The following PDGFRL variants were observed in gnomAD, a reference collection of about 807,000 sequenced individuals.
The protein encoded by PDGFRL is platelet derived growth factor receptor like.
A neutral mutation model predicts 37.2 loss-of-function variants in PDGFRL; 46 were observed. The observed-to-expected ratio is 1.24, with a 90% CI of 0.98 to 1.58. The LOEUF (loss-of-function observed/expected upper bound fraction) is 1.58. Among genes scored for constraint, PDGFRL ranks in the 40% most tolerant of loss-of-function variants. PDGFRL has a pLI of 0.00. For synonymous variants in PDGFRL, 251 were observed against 184.3 expected (o/e 1.36, Z -2.93); for missense variants, 692 against 467.6 (o/e 1.48, Z -4.43).
intron 2 of PDGFRL, among the ~76,000 whole-genome samples, chr8:17,609,634 TAAAAAAAAAAAAAAAA>T (rs3040922): frequency 6.9e-4 from 30 of 43,544 alleles, no homozygotes; most frequent in Middle Eastern, 0.024. Flanking sequence ...TGAGACTCTG[TAAAAAAAAAAAAAAAA>T]AAAAAAAAAA....
intron 2 of PDGFRL, among the ~76,000 whole-genome samples, chr8:17,614,175 T>A (rs1804477976): frequency 6.6e-6 from 1 of 152,210 alleles, no homozygotes; most frequent in Admixed American, 6.5e-5. Flanking sequence ...GATAGAGGAA[T>A]AGAGCTATTC....
At chr8:17,592,937 C>T (rs1345244009) in intron 2 of PDGFRL, among the ~76,000 whole-genome samples, 15 of 143,070 alleles carry the variant, frequency 1.0e-4, no homozygotes, top group African/African-American at 3.6e-4. Context: ...CACACACACA[C>T]ACACACACAC....
rs538502136 is a variant in PDGFRL at position 17,619,822 on chromosome 8, G to A, written c.354-1229G>A. ...GAACTTCTGAGGCTGCATAGCTATT[G>A]CACCAATGGTTTTACTTAAGGAAAC... On this transcript the variant is annotated intron_variant, in intron 2 of 5. Transcript: ENST00000251630. Among the ~76,000 whole-genome samples the A allele has an allele frequency of 1.2e-4, 19 of 152,306 alleles. No homozygotes were observed. In the South Asian group the frequency reaches 3.7e-3, roughly 30 times the overall value.
At chr8:17,597,217 C>T (rs761754664) in intron 2 of PDGFRL, among the ~76,000 whole-genome samples, 6 of 152,216 alleles carry the variant, frequency 3.9e-5, no homozygotes, top group East Asian at 3.9e-4. Context: ...GACTGGCTTT[C>T]GGTAAGTTGG....
At chr8:17,617,664 G>C (rs1179480877) in intron 2 of PDGFRL, among the ~76,000 whole-genome samples, 1 of 152,180 alleles carries the variant, frequency 6.6e-6, no homozygotes, top group African/African-American at 2.4e-5. Flanking sequence ...GCGTAGAAGA[G>C]GGGGTGGAAA....
chr8:17,604,285 C>T (rs1395780273), intron 2 of PDGFRL, among the ~76,000 whole-genome samples: 1 of 152,086 alleles, frequency 6.6e-6, no homozygotes, highest in African/African-American at 2.4e-5. Flanking sequence ...CACATGCACA[C>T]GTATGTTTAT....
chr8:17,592,398 C>G (rs573893341), intron 2 of PDGFRL, among the ~76,000 whole-genome samples: 1 of 152,330 alleles, frequency 6.6e-6, no homozygotes, highest in South Asian at 2.1e-4. Flanking sequence ...GCTAGGGCTT[C>G]TCACTGCCGC....
intron 2 of PDGFRL, among the ~76,000 whole-genome samples, chr8:17,606,218 CAG>C (rs1327232835): frequency 1.6e-4 from 25 of 151,908 alleles, no homozygotes; most frequent in Non-Finnish European, 3.7e-4. Flanking sequence ...CGAAAATACA[CAG>C]AACGTACAAT....
rs367781110 is a variant in PDGFRL, at chr8:17,614,051, T to C, written c.354-7000T>C. Among the ~76,000 whole-genome samples the C allele has an allele frequency of 2.2e-4, 33 of 152,254 alleles. No homozygotes were observed. The East Asian group carries it at 5.8e-3, about 27-fold the overall frequency. Reference sequence around the variant, plus strand: ...TGCAAATGTGGAGATAGATGATAGATAGATAGTAGATGGGCAACAGACAGA... The same window carrying C: ...TGCAAATGTGGAGATAGATGATAGACAGATAGTAGATGGGCAACAGACAGA... On this transcript the variant is annotated intron_variant, in intron 2 of 5. Transcript: ENST00000251630.
At chr8:17,621,265 T>C in intron 3 of PDGFRL, 63 bp downstream of exon 3, 2 of 1,131,344 alleles carry the variant, frequency 1.8e-6, no homozygotes, top group Non-Finnish European at 2.6e-6. Context: ...GAGCTGAAGG[T>C]TCCCCCACTG....
chr8:17,599,284 A>G (rs1018056953), intron 2 of PDGFRL, among the ~76,000 whole-genome samples: 7 of 152,076 alleles, frequency 4.6e-5, no homozygotes, highest in African/African-American at 7.2e-5. Context: ...GTTATCTTTT[A>G]TCCCTCACTG....
chr8:17,642,488 T>C, intron 5 of PDGFRL, 125 bp from the exon 6 acceptor site: 1 of 672,340 alleles, frequency 1.5e-6, no homozygotes, highest in Non-Finnish European at 2.7e-6. Context: ...CTACGCATAC[T>C]AAACAGTCTT....
chr8:17,621,288 C>T, intron 3 of PDGFRL, 86 bp downstream of exon 3: 1 of 791,706 alleles, frequency 1.3e-6, no homozygotes, highest in Non-Finnish European at 2.0e-6. Flanking sequence ...TGCTGAATAG[C>T]AAATAATGAC....
chr8:17,598,697 C>T (rs1411138860), intron 2 of PDGFRL, among the ~76,000 whole-genome samples: 1 of 152,128 alleles, frequency 6.6e-6, no homozygotes, highest in Non-Finnish European at 1.5e-5. Context: ...TTGGCTGTTT[C>T]CCCTCCAAAA....
intron 1 of PDGFRL, among the ~76,000 whole-genome samples, chr8:17,579,917 C>A (rs144243244): frequency 8.5e-5 from 13 of 152,238 alleles, no homozygotes; most frequent in African/African-American, 2.9e-4. Context: ...AGATGTCAAT[C>A]ATAGCACCTG....
intron 4 of PDGFRL, among the ~76,000 whole-genome samples, chr8:17,629,085 CTT>C (rs397892660): frequency 0.16 from 19,539 of 122,674 alleles, 1,078 homozygotes; most frequent in East Asian, 0.3. Flanking sequence ...GCCCTGCTAA[CTT>C]TTTTTTTTTT....
intron 4 of PDGFRL, 92 bp from the exon 5 acceptor site, chr8:17,633,982 C>G (rs1804914857): frequency 7.7e-7 from 1 of 1,292,740 alleles, no homozygotes; most frequent in African/African-American, 1.5e-5. Context: ...GCAGAAAATT[C>G]CATCTCTCTC....
intron 5 of PDGFRL, among the ~76,000 whole-genome samples, chr8:17,636,612 C>A (rs1419620386): frequency 6.7e-6 from 1 of 148,706 alleles, no homozygotes; most frequent in Non-Finnish European, 1.5e-5. Context: ...TTTTTTGGTT[C>A]CACATGAATT....
intron 3 of PDGFRL, among the ~76,000 whole-genome samples, chr8:17,626,708 G>C (rs1040046724): frequency 6.6e-6 from 1 of 152,024 alleles, no homozygotes; most frequent in Non-Finnish European, 1.5e-5. Flanking sequence ...GAATGATCCA[G>C]AAAAACAAAG....
Sources: allele counts gnomAD v4.1 joint callset (sites outside exome capture counted in the v4.1 genomes callset), GRCh38; gene constraint gnomAD v4.1.1; transcripts MANE v1.5; gene names NCBI Gene and HGNC (gene_info 2026-07-23, HGNC 2026-07-21).